GART: variants seen among roughly 807,000 people sequenced by gnomAD.
GART encodes phosphoribosylglycinamide formyltransferase, phosphoribosylglycinamide synthetase, phosphoribosylaminoimidazole synthetase, also known as trifunctional purine biosynthetic protein adenosine-3.
A neutral mutation model predicts 107.2 loss-of-function variants in GART; 43 were observed. The observed-to-expected ratio is 0.40, with a 90% confidence interval of 0.31 to 0.52. The LOEUF (loss-of-function observed/expected upper bound fraction) is 0.52. GART is among the 20% of genes least tolerant of loss of function. The pLI, the probability that GART is intolerant of heterozygous loss-of-function variation, is 0.52. For synonymous variants in GART, 434 were observed against 427.0 expected, an observed-to-expected ratio of 1.02 and a Z score of -0.20; for missense variants, 1,107 against 1,206.5, an observed-to-expected ratio of 0.92 and a Z score of 1.22.
chr21:33,524,091 T>C, intron 11 of GART: 7 of 985,138 alleles, frequency 7.1e-6, no homozygotes, highest in Non-Finnish European at 8.4e-6. Context: ...AAAAAATACA[T>C]TTTAGTAATA....
intron 4 of GART, among the ~76,000 whole-genome samples, chr21:33,533,588 G>A (rs1488879107): frequency 6.6e-6 from 1 of 152,118 alleles, no homozygotes; most frequent in East Asian, 1.9e-4. Flanking sequence ...TCTTTATGTT[G>A]TAAGATGCCA....
intron 2 of GART, among the ~76,000 whole-genome samples, chr21:33,538,265 C>CAA (rs2085342145): frequency 1.6e-5 from 2 of 126,448 alleles, no homozygotes; most frequent in African/African-American, 2.8e-5. Flanking sequence ...AAAAAAAAGT[C>CAA]AGAGAGAGAT....
intron 2 of GART, 129 bp from the exon 3 acceptor site, chr21:33,535,449 T>C: frequency 1.8e-6 from 1 of 540,920 alleles, no homozygotes. Flanking sequence ...GGTTTTCTTA[T>C]ATTGGCAGAG....
chr21:33,517,373 A>G lies in GART; in HGVS notation c.1938T>C (p.Cys646=). ...LQYSSPAPDG[C]GDQTLGDLLL... is the part of the protein sequence containing the mutation. Reference sequence around the variant, plus strand: ...GGAGTTTACCTAAAGTCTGGTCACCACAACCATCAGGTGCTGGAGAGGAGT... The same window carrying G: ...GGAGTTTACCTAAAGTCTGGTCACCGCAACCATCAGGTGCTGGAGAGGAGT... Residue 646 remains cysteine (C), a synonymous_variant, in exon 15 of 22, where the codon TGT becomes TGC. Transcript: ENST00000381815. 1 of 1,614,156 alleles carries G rather than the reference A, an allele frequency of 6.2e-7. No individual in the cohort carries two copies. The highest frequency in any genetic ancestry group is 8.5e-7 in the Non-Finnish European group (1 of 1,180,020).
In GART at chr21:33,506,372, G is replaced by GAC. The variant is rs540895317; in HGVS notation, c.2453-270_2453-269dup. ...TTGGCCAGGCTCGTCTGGAACTCCT[G>GAC]ACATCAGGTGATCCGCCCACCTCGG... On this transcript the variant is annotated intron_variant, in intron 18 of 21. Coordinates refer to ENST00000381815, the MANE Select transcript of GART (RefSeq NM_000819.5). Among the ~76,000 whole-genome samples, 429 of 152,238 alleles carry GAC rather than the reference G, an allele frequency of 2.8e-3. 2 individuals are homozygous for GAC. Among genetic ancestry groups the GAC allele is most frequent in the African/African-American group, 1.0e-2 (415 of 41,546 alleles).
intron 16 of GART, 81 bp from the exon 17 acceptor site, chr21:33,511,539 G>C: frequency 1.4e-6 from 2 of 1,383,514 alleles, no homozygotes; most frequent in Non-Finnish European, 1.0e-6. Context: ...TCAAAGATGT[G>C]GAAATTATAA....
intron 17 of GART, among the ~76,000 whole-genome samples, chr21:33,510,838 A>G (rs2084772933): frequency 6.6e-6 from 1 of 152,116 alleles, no homozygotes; most frequent in Non-Finnish European, 1.5e-5. Flanking sequence ...TGCCAAAGCA[A>G]GCATGTGACG....
chr21:33,540,696 A>G (rs2085396382), intron 1 of GART, among the ~76,000 whole-genome samples: 1 of 152,234 alleles, frequency 6.6e-6, no homozygotes, highest in African/African-American at 2.4e-5. Context: ...TACTTACCAC[A>G]AGACAAACTG....
rs549117189 is a variant in GART at position 33,530,724 on chromosome 21, T to C, written c.723+35A>G. 80 of 1,371,250 alleles carry C rather than the reference T, an allele frequency of 5.8e-5. 2 individuals are homozygous for C. In the South Asian group the frequency reaches 1.1e-3, roughly 18 times the overall value. 84.9% of individuals were successfully genotyped at this position (1,371,250 alleles called of 1,614,324 possible). A position where few individuals can be genotyped will look rare whatever the true frequency, so the allele number is the denominator to read the frequency against. The stretch of plus-strand genomic sequence containing the variant: ...TAAGAGTTCTCTGAGAAAACCAAAC[T>C]ACTACAAGACTTCAGCAGAGTCTTC... On this transcript the variant is annotated intron_variant, in intron 7 of 21. Coordinates refer to ENST00000381815, the MANE Select transcript of GART (RefSeq NM_000819.5).
At chr21:33,540,082 C>G (rs190064433) in intron 1 of GART, among the ~76,000 whole-genome samples, 2 of 152,282 alleles carry the variant, frequency 1.3e-5, no homozygotes, top group Admixed American at 6.5e-5. Context: ...ATACTGAAAA[C>G]TGGGGTAAGC....
intron 14 of GART, among the ~76,000 whole-genome samples, chr21:33,518,135 TTTTG>T (rs771068069): frequency 1.3e-5 from 2 of 152,360 alleles, no homozygotes; most frequent in African/African-American, 2.4e-5. Context: ...GAAAGGCAAT[TTTTG>T]TTTGTTTCAA....
rs1398808833 is a variant in GART at position 33,504,405 on chromosome 21, TACTC to T, written c.2841+3_2841+6del. 2.5e-6 allele frequency: 4 copies of T among 1,611,842 alleles called. No homozygotes were observed. Among genetic ancestry groups the T allele is most frequent in the South Asian group, 1.1e-5 (1 of 91,040 alleles). On this transcript the variant is annotated splice_donor_5th_base_variant and intron_variant, in intron 21 of 21. Coordinates refer to ENST00000381815, the MANE Select transcript of GART (RefSeq NM_000819.5). ...AATATTATGTTGGTAGAAAAAGACATACTCACAGCTACAAAGTGTACAGTGCACC... is the reference window on the plus strand; with the variant it reads ...AATATTATGTTGGTAGAAAAAGACATACAGCTACAAAGTGTACAGTGCACC...
chr21:33,523,513 T>C (rs1001414361), intron 11 of GART, among the ~76,000 whole-genome samples: 2 of 152,218 alleles, frequency 1.3e-5, no homozygotes, highest in African/African-American at 4.8e-5. Flanking sequence ...AGCCTGGTAT[T>C]TTGATGTTCT....
At position 33,524,582 on chromosome 21, in the gene GART, A is replaced by G. The variant is rs935854520; in HGVS notation, c.1298+187T>C. 1.4e-5 allele frequency: 17 copies of G among 1,207,118 alleles called. No homozygotes were observed. In the Admixed American group the frequency reaches 7.0e-4, roughly 50 times the overall value. 74.8% of individuals were successfully genotyped at this position (1,207,118 alleles called of 1,614,324 possible). The stretch of plus-strand genomic sequence containing the variant: ...CTAAACTTTCCAAACTTACGCTATC[A>G]TGAAGTTTTTTCCATTTGAGTATTG... On this transcript the variant is annotated intron_variant, in intron 11 of 21. Transcript: ENST00000381815.
chr21:33,512,814 A>C (rs1211528539), intron 16 of GART, among the ~76,000 whole-genome samples: 1 of 151,040 alleles, frequency 6.6e-6, no homozygotes, highest in Non-Finnish European at 1.5e-5. Context: ...TCTAGTTTTG[A>C]CCTCCTGGGC....
intron 11 of GART, among the ~76,000 whole-genome samples, chr21:33,522,777 C>A (rs2084996367): frequency 6.6e-6 from 1 of 152,146 alleles, no homozygotes; most frequent in East Asian, 1.9e-4. Context: ...TTAAATAACT[C>A]CCCATTCCCC....
At chr21:33,519,653 C>G (rs1215724056) in intron 14 of GART, among the ~76,000 whole-genome samples, 1 of 151,144 alleles carries the variant, frequency 6.6e-6, no homozygotes, top group Non-Finnish European at 1.5e-5. Flanking sequence ...CATGGCAAAA[C>G]CCTATCTCTA....
At position 33,520,284 on chromosome 21, in the gene GART, TG is replaced by T. The variant is rs373058709; in HGVS notation, c.1702+79del. 3 of 1,196,758 alleles carry T rather than the reference TG, an allele frequency of 2.5e-6. No individual in the cohort carries two copies. The African/African-American group carries it at 4.5e-5, about 18-fold the overall frequency. The allele number at this position is 1,196,758 out of a possible 1,614,324, so 74.1% of individuals were successfully genotyped here. A position where few individuals can be genotyped will look rare whatever the true frequency, so the allele number is the denominator to read the frequency against. On this transcript the variant is annotated intron_variant, in intron 14 of 21. Transcript: ENST00000381815. Reference sequence around the variant, plus strand: ...ATACAGTCTCTCTTGCTAGCTACATTGGCACTGATCACATTTTTACATAGGG... The same window carrying T: ...ATACAGTCTCTCTTGCTAGCTACATTGCACTGATCACATTTTTACATAGGG...
intron 16 of GART, among the ~76,000 whole-genome samples, chr21:33,513,103 CTCTGTGTG>C (rs1292357147): frequency 4.6e-5 from 4 of 86,812 alleles, no homozygotes; most frequent in African/African-American, 2.1e-4. Context: ...GTGTGTGTGT[CTCTGTGTG>C]TGTGTGTGTG....
Sources: gnomAD v4.1 joint callset for allele counts (sites outside exome capture counted in the v4.1 genomes callset) on GRCh38, gnomAD v4.1.1 for gene constraint, MANE v1.5 for transcripts, NCBI Gene and HGNC (gene_info 2026-07-23, HGNC 2026-07-21) for gene names.